Variants in ZNF540 observed in about 807,000 individuals in gnomAD.
The protein encoded by ZNF540 is CTD-3064H18.6.
ZNF540 carries 3 observed loss-of-function variants against 11.8 expected under a neutral mutation model. The observed-to-expected ratio is 0.25, with a 90% CI of 0.12 to 0.65. ZNF540 has a LOEUF of 0.65. ZNF540 is among the 30% of genes least tolerant of loss of function. The pLI is 0.83. For missense variants in ZNF540, 709 were observed against 793.1 expected, an observed-to-expected ratio of 0.89 and a Z score of 1.27; for synonymous variants, 247 against 259.0, an observed-to-expected ratio of 0.95 and a Z score of 0.45.
intron 1 of ZNF540, among the ~76,000 whole-genome samples, chr19:37,552,150 C>T (rs538682117): frequency 6.6e-6 from 1 of 152,068 alleles, no homozygotes; most frequent in South Asian, 2.1e-4. Flanking sequence ...TTACTTGTCC[C>T]ATAGTTTACT....
At chr19:37,599,109 G>A (rs1600556614) in intron 2 of ZNF540, among the ~76,000 whole-genome samples, 1 of 152,236 alleles carries the variant, frequency 6.6e-6, no homozygotes, top group South Asian at 2.1e-4. Flanking sequence ...TCGAACTTCT[G>A]AGTTCACCAC....
chr19:37,556,141 C>T (rs1353810723), intron 1 of ZNF540: 2 of 702,570 alleles, frequency 2.8e-6, no homozygotes, highest in Admixed American at 2.0e-5. Context: ...TTGTGTTGCT[C>T]TTCGCGGGTA....
chr19:37,611,693 C>T lies in ZNF540; in HGVS notation c.413C>T (p.Ser138Phe), dbSNP rs763940916. ...FEGQQGLKER[S>F]ISQKKIVSKK... is the part of the protein sequence containing the mutation. ...GGTCAACAGGGACTTAAAGAAAGAT[C>T]TATCAGTCAAAAGAAAATCGTCTCT... Residue 138 changes from serine (S) to phenylalanine (F), a missense_variant, in exon 5 of 5, where the codon TCT (serine) becomes TTT (phenylalanine). Physicochemically the swap from Ser to Phe is radical, Grantham distance 155 (BLOSUM62 -2). Coordinates refer to ENST00000316433, the MANE Select transcript of ZNF540 (RefSeq NM_001172225.3). The T allele has an allele frequency of 1.5e-5, 25 of 1,613,846 alleles. No homozygotes were observed. Among genetic ancestry groups the T allele is most frequent in the Non-Finnish European group, 1.4e-5 (17 of 1,179,934 alleles).
chr19:37,597,132 G>T (rs572998297), intron 1 of ZNF540, among the ~76,000 whole-genome samples: 1 of 152,198 alleles, frequency 6.6e-6, no homozygotes, highest in African/African-American at 2.4e-5. Flanking sequence ...GGATTAAATA[G>T]CTATATATAA....
In ZNF540 at chr19:37,612,032, C is replaced by CAA; in HGVS notation, c.752_753insAA (p.Phe252ThrfsTer34). On this transcript the variant is annotated frameshift_variant, in exon 5 of 5. Coordinates refer to ENST00000316433, the MANE Select transcript of ZNF540 (RefSeq NM_001172225.3). LOFTEE classifies it low-confidence loss of function (END_TRUNC). ...TATGAATGTCAAGAATGTGGGAAGA[C>CAA]CTTTACTCTTTACCCACAACTTAAT... 6.2e-7 allele frequency: 1 copy of CAA among 1,613,390 alleles called. No homozygotes were observed.
intron 1 of ZNF540, among the ~76,000 whole-genome samples, chr19:37,584,887 C>A (rs1009501916): frequency 1.3e-5 from 2 of 151,456 alleles, no homozygotes; most frequent in Non-Finnish European, 2.9e-5. Context: ...TGGCGTGAAC[C>A]CTGGAGGCGG....
chr19:37,605,335 C>A (rs533640265), intron 4 of ZNF540, among the ~76,000 whole-genome samples: 2 of 151,704 alleles, frequency 1.3e-5, no homozygotes, highest in African/African-American at 4.8e-5. Flanking sequence ...TGGTACACAC[C>A]TGTAAAAACT....
chr19:37,599,494 C>CAAA, intron 2 of ZNF540, 132 bp from the exon 3 acceptor site: 1 of 1,031,126 alleles, frequency 9.7e-7, no homozygotes. Context: ...CTATCTTTAT[C>CAAA]ATAAGCTTTC....
At chr19:37,578,358 G>A (rs754864007) in intron 1 of ZNF540, among the ~76,000 whole-genome samples, 5 of 152,270 alleles carry the variant, frequency 3.3e-5, no homozygotes, top group East Asian at 1.9e-4. Flanking sequence ...GTGAAACGGT[G>A]AGAGAGTGAG....
intron 4 of ZNF540, among the ~76,000 whole-genome samples, chr19:37,603,667 TTAA>T (rs71707205): frequency 4.0e-5 from 6 of 151,874 alleles, no homozygotes; most frequent in African/African-American, 1.2e-4. Flanking sequence ...TAATCAGGAG[TTAA>T]TAATAATAAC....
chr19:37,604,459 C>T (rs1156353368), intron 4 of ZNF540, among the ~76,000 whole-genome samples: 1 of 151,684 alleles, frequency 6.6e-6, no homozygotes, highest in Non-Finnish European at 1.5e-5. Context: ...AGGTGCCCAC[C>T]ACCACGCCTG....
intron 1 of ZNF540, chr19:37,555,859 A>G (rs372161001): frequency 4.3e-6 from 3 of 699,254 alleles, no homozygotes; most frequent in South Asian, 3.0e-5. Context: ...AATTTTTTCT[A>G]GTACATAATT....
intron 1 of ZNF540, among the ~76,000 whole-genome samples, chr19:37,578,186 C>G (rs546373483): frequency 1.3e-5 from 2 of 152,272 alleles, no homozygotes; most frequent in South Asian, 4.1e-4. Context: ...TACTGTGTTC[C>G]ATGAAACCAG....
At chr19:37,558,494 C>T (rs1230786578) in intron 1 of ZNF540, among the ~76,000 whole-genome samples, 1 of 152,042 alleles carries the variant, frequency 6.6e-6, no homozygotes, top group Admixed American at 6.6e-5. Flanking sequence ...TGACTTCATT[C>T]GCCTTAGACA....
upstream of ZNF540, among the ~76,000 whole-genome samples, chr19:37,589,864 C>CAAAAAAAAA (rs60136941): frequency 9.1e-4 from 27 of 29,582 alleles, 7 homozygotes; most frequent in Non-Finnish European, 1.0e-3. Context: ...GACTCCATCT[C>CAAAAAAAAA]AAAAAAAAAA....
rs2043976040 is a variant in ZNF540, at chr19:37,595,095, G to A, written c.-73G>A. On this transcript the variant is annotated splice_region_variant and 5_prime_UTR_variant, in exon 1 of 5. Transcript: ENST00000316433. ...CTAGAAGAGCTGCAAAAGGCTGTCA[G>A]GTAAGGTCTGGATTTCTCTCTGACA... 6.6e-6 allele frequency: 1 copy of A among 152,214 alleles called. No homozygotes were observed. 9.4% of individuals were successfully genotyped at this position (152,214 alleles called of 1,614,324 possible).
intron 1 of ZNF540, chr19:37,570,111 A>G (rs2043001505): frequency 2.6e-5 from 4 of 151,520 alleles, no homozygotes; most frequent in East Asian, 1.9e-4. Flanking sequence ...ATAACCACCC[A>G]CCCTCCCCTA....
At chr19:37,586,802 C>T in intron 1 of ZNF540, 1 of 936,818 alleles carries the variant, frequency 1.1e-6, no homozygotes, top group Non-Finnish European at 1.7e-6. Flanking sequence ...ACAAAATAAA[C>T]TACTTAGAAC....
At chr19:37,593,001 T>C (rs555085269), upstream of ZNF540, among the ~76,000 whole-genome samples, 33 of 152,354 alleles carry the variant, frequency 2.2e-4, no homozygotes, top group African/African-American at 7.7e-4. Flanking sequence ...ACACACCTAT[T>C]GTAAAAATAT....
Sources: gnomAD v4.1 joint callset for allele counts (sites outside exome capture counted in the v4.1 genomes callset) on GRCh38, gnomAD v4.1.1 for gene constraint, MANE v1.5 for transcripts, NCBI Gene and HGNC (gene_info 2026-07-23, HGNC 2026-07-21) for gene names.